The following CTNNA3 variants were observed in gnomAD, a reference collection of about 807,000 sequenced individuals.
CTNNA3 encodes the protein catenin alpha 3.
In CTNNA3, 76 loss-of-function variants were observed where a neutral mutation model predicts 95.7. The ratio of observed to expected loss-of-function variants is 0.79; its 90% CI spans 0.66 to 0.96. CTNNA3 has a LOEUF of 0.96. CTNNA3 is among the 40% of genes least tolerant of loss of function. The probability of loss-of-function intolerance (pLI) is 0.00; values close to 1 mark genes in which losing one functional copy is unlikely to be tolerated. For missense variants in CTNNA3, 1,191 were observed against 1,089.8 expected (o/e 1.09, Z -1.31); for synonymous variants, 431 against 374.4 (o/e 1.15, Z -1.74).
chr10:67,310,036 G>A (rs912255446), intron 5 of CTNNA3, among the ~76,000 whole-genome samples: 1 of 152,102 alleles, frequency 6.6e-6, no homozygotes, highest in Non-Finnish European at 1.5e-5. Context: ...AAAGCTATAC[G>A]TTACTCAGAA....
intron 12 of CTNNA3, among the ~76,000 whole-genome samples, chr10:66,306,852 A>G (rs548148087): frequency 2.0e-5 from 3 of 152,344 alleles, no homozygotes; most frequent in African/African-American, 7.2e-5. Context: ...TCACTAGAAA[A>G]AGAACAATTA....
intron 12 of CTNNA3, among the ~76,000 whole-genome samples, chr10:66,361,673 G>T (rs1419208022): frequency 1.3e-5 from 2 of 151,618 alleles, no homozygotes; most frequent in African/African-American, 4.8e-5. Flanking sequence ...AAGTAGCTGT[G>T]ACTATAGGGG....
intron 11 of CTNNA3, among the ~76,000 whole-genome samples, chr10:66,440,461 C>T (rs1219091418): frequency 6.6e-6 from 1 of 152,092 alleles, no homozygotes; most frequent in Non-Finnish European, 1.5e-5. Flanking sequence ...TATCTTTTCA[C>T]TTAATGTTTA....
chr10:65,944,760 GGGA>G (rs1457287153), intron 17 of CTNNA3, among the ~76,000 whole-genome samples: 1 of 152,028 alleles, frequency 6.6e-6, no homozygotes, highest in Non-Finnish European at 1.5e-5. Context: ...TGGTACAAAG[GGGA>G]GGCTTGTTTC....
At chr10:66,263,337 A>G (rs112141311) in intron 13 of CTNNA3, among the ~76,000 whole-genome samples, 1 of 152,044 alleles carries the variant, frequency 6.6e-6, no homozygotes, top group East Asian at 1.9e-4. Flanking sequence ...AGAAAATATA[A>G]CATATTTCAA....
chr10:67,548,507 A>G (rs1396983467), intron 3 of CTNNA3, among the ~76,000 whole-genome samples: 1 of 152,218 alleles, frequency 6.6e-6, no homozygotes. Context: ...ATCTTGAAAA[A>G]GAGGGGCAAA....
chr10:66,685,683 T>A (rs962059321), intron 9 of CTNNA3, among the ~76,000 whole-genome samples: 1 of 151,854 alleles, frequency 6.6e-6, no homozygotes, highest in Non-Finnish European at 1.5e-5. Flanking sequence ...AGAACCATAT[T>A]TTTTTTAAAA....
chr10:66,602,687 A>C (rs534328872), intron 10 of CTNNA3, among the ~76,000 whole-genome samples: 2 of 152,166 alleles, frequency 1.3e-5, no homozygotes, highest in South Asian at 4.1e-4. Flanking sequence ...ATAGATGCAA[A>C]AATTTTCAAC....
chr10:66,808,167 T>A (rs926103954), intron 7 of CTNNA3, among the ~76,000 whole-genome samples: 31 of 152,098 alleles, frequency 2.0e-4, no homozygotes, highest in African/African-American at 7.5e-4. Context: ...GTAAGTTCAA[T>A]GTGGTTAAGC....
chr10:67,570,378 C>T (rs1841940663), intron 3 of CTNNA3, among the ~76,000 whole-genome samples: 1 of 151,992 alleles, frequency 6.6e-6, no homozygotes, highest in Admixed American at 6.6e-5. Flanking sequence ...GCTATATTGA[C>T]AACTTTTAGT....
intron 10 of CTNNA3, among the ~76,000 whole-genome samples, chr10:66,561,069 C>T (rs142887728): frequency 2.0e-5 from 3 of 151,964 alleles, no homozygotes; most frequent in East Asian, 1.9e-4. Flanking sequence ...GACAAGGTGA[C>T]TCTTTAAAAA....
At chr10:66,105,147 C>T (rs558154931) in intron 13 of CTNNA3, among the ~76,000 whole-genome samples, 3 of 152,264 alleles carry the variant, frequency 2.0e-5, no homozygotes, top group African/African-American at 7.2e-5. Flanking sequence ...TTTTTATCTC[C>T]GTGTTGATCT....
At chr10:66,244,948 C>G (rs1321736126) in intron 13 of CTNNA3, among the ~76,000 whole-genome samples, 1 of 152,194 alleles carries the variant, frequency 6.6e-6, no homozygotes, top group Non-Finnish European at 1.5e-5. Context: ...GTTACGGGAT[C>G]TTTGGGGTGT....
At chr10:67,359,447 G>A (rs547444688) in intron 5 of CTNNA3, among the ~76,000 whole-genome samples, 15 of 152,216 alleles carry the variant, frequency 9.9e-5, no homozygotes, top group Non-Finnish European at 1.9e-4. Context: ...GAAGCTCGAT[G>A]AGATTCAAGA....
intron 16 of CTNNA3, among the ~76,000 whole-genome samples, chr10:65,987,889 A>G (rs568261329): frequency 3.3e-5 from 5 of 152,300 alleles, no homozygotes; most frequent in African/African-American, 9.6e-5. Context: ...TTGTGGCAAC[A>G]TGACCAAGAC....
At chr10:67,284,430 T>G (rs532979369) in intron 5 of CTNNA3, among the ~76,000 whole-genome samples, 4 of 152,342 alleles carry the variant, frequency 2.6e-5, no homozygotes, top group African/African-American at 9.6e-5. Context: ...TAGTATTATT[T>G]TGTTCAAAAG....
chr10:66,545,219 A>C (rs1028549787), intron 10 of CTNNA3, among the ~76,000 whole-genome samples: 1 of 152,044 alleles, frequency 6.6e-6, no homozygotes, highest in Non-Finnish European at 1.5e-5. Context: ...TATTATCATA[A>C]ATTACACACC....
At chr10:66,929,125 A>G (rs933223050) in intron 7 of CTNNA3, among the ~76,000 whole-genome samples, 3 of 152,222 alleles carry the variant, frequency 2.0e-5, no homozygotes, top group Non-Finnish European at 4.4e-5. Context: ...AAATGTGAGG[A>G]GATGACAAAA....
chr10:66,309,909 AT>A (rs2091989998), intron 12 of CTNNA3, among the ~76,000 whole-genome samples: 2 of 23,514 alleles, frequency 8.5e-5, no homozygotes, highest in African/African-American at 1.4e-4. Flanking sequence ...GATACAAAAA[AT>A]AAATAAATAA....
Sources: allele counts gnomAD v4.1 joint callset (sites outside exome capture counted in the v4.1 genomes callset), GRCh38; gene constraint gnomAD v4.1.1; transcripts MANE v1.5; gene names NCBI Gene and HGNC (gene_info 2026-07-23, HGNC 2026-07-21).